Variants in RBFOX1 observed in about 807,000 individuals in gnomAD.
The protein encoded by RBFOX1 is RNA binding protein fox-1 homolog 1.
RBFOX1 carries 8 observed loss-of-function variants against 57.7 expected under a neutral mutation model. That is an observed-to-expected ratio of 0.14 (90% CI 0.08 to 0.25). The LOEUF (loss-of-function observed/expected upper bound fraction) is 0.25. RBFOX1 is among the 10% of genes least tolerant of loss of function. The pLI is 1.00. For missense variants in RBFOX1, 611 were observed against 548.5 expected, an observed-to-expected ratio of 1.11 and a Z score of -1.14; for synonymous variants, 326 against 222.4, an observed-to-expected ratio of 1.47 and a Z score of -4.15.
intron 14 of RBFOX1, among the ~76,000 whole-genome samples, chr16:7,702,221 A>G (rs1252316534): frequency 6.6e-6 from 1 of 152,220 alleles, no homozygotes; most frequent in Non-Finnish European, 1.5e-5. Flanking sequence ...TGAAGATAAG[A>G]GACTGATCAT....
intron 4 of RBFOX1, among the ~76,000 whole-genome samples, chr16:7,464,214 GTGTGCACC>G (rs1375370348): frequency 6.6e-6 from 1 of 152,166 alleles, no homozygotes; most frequent in East Asian, 1.9e-4. Flanking sequence ...CAATGATTGT[GTGTGCACC>G]TGTGCACCTA....
chr16:7,211,163 G>T (rs557149490), intron 4 of RBFOX1, among the ~76,000 whole-genome samples: 3 of 151,698 alleles, frequency 2.0e-5, no homozygotes, highest in Admixed American at 6.6e-5. Flanking sequence ...AGGCCGAGGT[G>T]GGGGGATCAT....
chr16:6,194,551 C>T (rs1453254218), intron 1 of RBFOX1, among the ~76,000 whole-genome samples: 1 of 152,120 alleles, frequency 6.6e-6, no homozygotes, highest in African/African-American at 2.4e-5. Flanking sequence ...ATGTATGCTG[C>T]TCCCTGGACC....
intron 2 of RBFOX1, among the ~76,000 whole-genome samples, chr16:6,597,645 G>C (rs989481319): frequency 5.3e-5 from 8 of 152,112 alleles, no homozygotes; most frequent in Admixed American, 5.2e-4. Context: ...TTGCACTCCA[G>C]CTTGGGTTGA....
chr16:5,327,872 G>A (rs145113585), intron 1 of RBFOX1, among the ~76,000 whole-genome samples: 1,966 of 152,308 alleles, frequency 0.013, 25 homozygotes, highest in Middle Eastern at 0.02. Flanking sequence ...GAATGGTTCT[G>A]TGGTCTGGGA....
chr16:6,490,654 A>G (rs773454801), intron 2 of RBFOX1, among the ~76,000 whole-genome samples: 2 of 152,148 alleles, frequency 1.3e-5, no homozygotes, highest in Non-Finnish European at 2.9e-5. Flanking sequence ...TTTATACAAG[A>G]AAGAAAGGGT....
At chr16:6,753,875 C>G (rs1205636875) in intron 3 of RBFOX1, among the ~76,000 whole-genome samples, 1 of 152,078 alleles carries the variant, frequency 6.6e-6, no homozygotes, top group Non-Finnish European at 1.5e-5. Context: ...TTGATGTGCT[C>G]TCGGTCATTT....
At chr16:6,280,620 G>T (rs2076274639) in intron 1 of RBFOX1, among the ~76,000 whole-genome samples, 1 of 152,106 alleles carries the variant, frequency 6.6e-6, no homozygotes, top group South Asian at 2.1e-4. Context: ...GGTGGCCGTG[G>T]CATTATTTAG....
At chr16:7,093,574 C>G (rs1231080653) in intron 4 of RBFOX1, among the ~76,000 whole-genome samples, 2 of 152,186 alleles carry the variant, frequency 1.3e-5, no homozygotes, top group African/African-American at 4.8e-5. Flanking sequence ...TCATGAACAT[C>G]TCAAACTTCT....
chr16:6,692,293 C>T (rs909023406), intron 3 of RBFOX1, among the ~76,000 whole-genome samples: 4 of 151,688 alleles, frequency 2.6e-5, no homozygotes, highest in African/African-American at 7.3e-5. Flanking sequence ...TGGATTCATA[C>T]CTCTCTAACA....
intron 1 of RBFOX1, among the ~76,000 whole-genome samples, chr16:6,151,888 C>T (rs2096800262): frequency 6.6e-6 from 1 of 152,118 alleles, no homozygotes; most frequent in African/African-American, 2.4e-5. Context: ...TCTTGAAATC[C>T]TTGAAGAGCA....
chr16:6,989,008 C>T (rs962743214), intron 3 of RBFOX1, among the ~76,000 whole-genome samples: 10 of 152,006 alleles, frequency 6.6e-5, no homozygotes, highest in Non-Finnish European at 1.2e-4. Context: ...GGTGATCCAC[C>T]CCCCTCGGAC....
intron 3 of RBFOX1, among the ~76,000 whole-genome samples, chr16:6,993,529 A>G (rs2091829063): frequency 6.6e-6 from 1 of 152,134 alleles, no homozygotes; most frequent in South Asian, 2.1e-4. Flanking sequence ...AAACCTGGTT[A>G]AAGGTCCTTT....
Position 5,599,042 on chromosome 16 carries a change from CA to C in RBFOX1, c.401del (p.Asn134IlefsTer16). On this transcript the variant is annotated frameshift_variant, in exon 3 of 3. Transcript: ENST00000585867. LOFTEE classifies it low-confidence loss of function (END_TRUNC). ...TTTCAGCCTCTTTGGTCTCCGTCAT[CA>C]ATCACCGGGAATGGTTTTTACCTGA... is the stretch of plus-strand genomic sequence containing the variant. The C allele has an allele frequency of 8.1e-7, 1 of 1,232,310 alleles. No homozygotes were observed. Among genetic ancestry groups the C allele is most frequent in the South Asian group, 1.3e-5 (1 of 77,916 alleles). 76.3% of individuals were successfully genotyped at this position (1,232,310 alleles called of 1,614,324 possible).
intron 3 of RBFOX1, among the ~76,000 whole-genome samples, chr16:6,956,059 C>T (rs1443441013): frequency 1.3e-5 from 2 of 152,120 alleles, no homozygotes; most frequent in East Asian, 1.9e-4. Flanking sequence ...AGTGAGTTAT[C>T]TTCCCTTTAG....
At chr16:7,000,311 G>T (rs1475205320) in intron 3 of RBFOX1, among the ~76,000 whole-genome samples, 2 of 151,952 alleles carry the variant, frequency 1.3e-5, no homozygotes, top group African/African-American at 2.4e-5. Context: ...ATTTAAACAT[G>T]ATCGATATGT....
intron 4 of RBFOX1, among the ~76,000 whole-genome samples, chr16:5,868,005 C>T (rs540659585): frequency 6.6e-6 from 1 of 151,920 alleles, no homozygotes; most frequent in South Asian, 2.1e-4. Flanking sequence ...AGCCACCATG[C>T]CCAGCCTGTT....
intron 3 of RBFOX1, among the ~76,000 whole-genome samples, chr16:6,976,333 C>T (rs1045833341): frequency 6.6e-6 from 1 of 152,096 alleles, no homozygotes; most frequent in Non-Finnish European, 1.5e-5. Flanking sequence ...CTAAATTTCT[C>T]CTCTATCCTT....
At chr16:6,284,539 C>T (rs1161039811) in intron 1 of RBFOX1, among the ~76,000 whole-genome samples, 1 of 152,112 alleles carries the variant, frequency 6.6e-6, no homozygotes, top group African/African-American at 2.4e-5. Flanking sequence ...CCATTTTTAT[C>T]ACCTGTTTGC....
Sources: gnomAD v4.1 joint callset for allele counts (sites outside exome capture counted in the v4.1 genomes callset) on GRCh38, gnomAD v4.1.1 for gene constraint, MANE v1.5 for transcripts, NCBI Gene and HGNC (gene_info 2026-07-23, HGNC 2026-07-21) for gene names.